Variants in LRRC72 observed in about 807,000 individuals in gnomAD.
LRRC72 encodes the protein leucine-rich repeat-containing protein 72.
A neutral mutation model predicts 35.8 loss-of-function variants in LRRC72; 41 were observed. That is an observed-to-expected ratio of 1.15 (90% confidence interval 0.89 to 1.49). The LOEUF is 1.49. Among genes scored for constraint, LRRC72 ranks in the 40% most tolerant of loss-of-function variants. LRRC72 has a pLI of 0.00. For synonymous variants in LRRC72, 118 were observed against 119.2 expected (o/e 0.99, Z 0.07); for missense variants, 389 against 330.7 (o/e 1.18, Z -1.37).
chr7:16,561,221 A>G (rs1225180906), intron 5 of LRRC72, among the ~76,000 whole-genome samples: 3 of 152,228 alleles, frequency 2.0e-5, no homozygotes, highest in African/African-American at 7.2e-5. Context: ...ACAAATTAGT[A>G]ACACTCAGCC....
chr7:16,547,632 A>C (rs62441149), intron 3 of LRRC72, among the ~76,000 whole-genome samples: 14,205 of 152,238 alleles, frequency 0.093, 787 homozygotes, highest in East Asian at 0.2. Context: ...CTCCAATAAC[A>C]GAGTAAAGTT....
chr7:16,534,061 G>A (rs1200775848), intron 2 of LRRC72, among the ~76,000 whole-genome samples: 1 of 152,110 alleles, frequency 6.6e-6, no homozygotes, highest in Non-Finnish European at 1.5e-5. Flanking sequence ...ACATTTTAAG[G>A]ACACTAAGTT....
chr7:16,544,768 G>A (rs1782415016), intron 3 of LRRC72, among the ~76,000 whole-genome samples: 1 of 152,166 alleles, frequency 6.6e-6, no homozygotes, highest in South Asian at 2.1e-4. Context: ...ATTTCTGGAA[G>A]TACGACAGTA....
At chr7:16,553,248 A>T (rs1782587641) in intron 3 of LRRC72, among the ~76,000 whole-genome samples, 1 of 152,234 alleles carries the variant, frequency 6.6e-6, no homozygotes, top group Non-Finnish European at 1.5e-5. Flanking sequence ...TGGTTTAGAC[A>T]GAAGTCTCCC....
At chr7:16,562,920 C>T (rs190774572) in intron 5 of LRRC72, among the ~76,000 whole-genome samples, 1 of 152,238 alleles carries the variant, frequency 6.6e-6, no homozygotes, top group East Asian at 1.9e-4. Flanking sequence ...GGGTGATTTC[C>T]ATATTCAGTA....
At chr7:16,566,971 C>G (rs979386764) in intron 6 of LRRC72, among the ~76,000 whole-genome samples, 2 of 152,136 alleles carry the variant, frequency 1.3e-5, no homozygotes, top group African/African-American at 2.4e-5. Context: ...GCTATATTAT[C>G]TATCTACTTA....
At chr7:16,536,406 C>T (rs2128334858) in intron 2 of LRRC72, among the ~76,000 whole-genome samples, 1 of 152,048 alleles carries the variant, frequency 6.6e-6, no homozygotes, top group East Asian at 1.9e-4. Context: ...GGTGGTTGCA[C>T]AGGACAATGC....
chr7:16,558,865 G>T, intron 4 of LRRC72, 24 bp from the exon 5 acceptor site: 3 of 1,311,200 alleles, frequency 2.3e-6, no homozygotes, highest in Non-Finnish European at 2.0e-6. Context: ...TTAAAATCTT[G>T]TAAAAATATT....
At chr7:16,530,089 G>T (rs904068490) in intron 1 of LRRC72, 4 of 151,964 alleles carry the variant, frequency 2.6e-5, no homozygotes, top group Admixed American at 2.6e-4. Flanking sequence ...TAGATGTCTA[G>T]ATATCTGTCT....
intron 5 of LRRC72, among the ~76,000 whole-genome samples, chr7:16,560,281 A>C (rs1006838109): frequency 1.3e-5 from 2 of 152,230 alleles, no homozygotes; most frequent in African/African-American, 4.8e-5. Context: ...ATTGATGGTG[A>C]AAGTTCTAAT....
At chr7:16,532,431 T>A (rs573185463) in intron 1 of LRRC72, 64 bp from the exon 2 acceptor site, 1 of 1,128,092 alleles carries the variant, frequency 8.9e-7, no homozygotes, top group South Asian at 1.3e-5. Flanking sequence ...TGTTACTGAC[T>A]GCAAGTGCCT....
chr7:16,528,991 T>A (rs924926112), intron 1 of LRRC72, among the ~76,000 whole-genome samples: 2 of 152,158 alleles, frequency 1.3e-5, no homozygotes, highest in Non-Finnish European at 2.9e-5. Flanking sequence ...TACAGTTACT[T>A]AGAATATATA....
chr7:16,542,257 C>T (rs1176166378), intron 3 of LRRC72, among the ~76,000 whole-genome samples: 2 of 152,122 alleles, frequency 1.3e-5, no homozygotes, highest in African/African-American at 4.8e-5. Flanking sequence ...AAAGGGATCG[C>T]ATGCACCATC....
chr7:16,532,710 TC>T, intron 2 of LRRC72, 142 bp downstream of exon 2: 1 of 730,164 alleles, frequency 1.4e-6, no homozygotes, highest in Non-Finnish European at 2.5e-6. Context: ...CTTCCTGGAA[TC>T]CACAGTTTTC....
At chr7:16,567,225 A>G (rs1474264961) in intron 6 of LRRC72, among the ~76,000 whole-genome samples, 166 bp from the exon 7 acceptor site, 1 of 152,156 alleles carries the variant, frequency 6.6e-6, no homozygotes, top group East Asian at 1.9e-4. Flanking sequence ...AGTGCTTGTA[A>G]GATTATGGAA....
intron 3 of LRRC72, among the ~76,000 whole-genome samples, chr7:16,555,340 T>A (rs962834041): frequency 8.5e-5 from 13 of 152,216 alleles, no homozygotes; most frequent in African/African-American, 2.9e-4. Flanking sequence ...AAACTTCGAA[T>A]ACAAATCTAA....
At chr7:16,566,902 C>G (rs568208941) in intron 6 of LRRC72, among the ~76,000 whole-genome samples, 8 of 152,262 alleles carry the variant, frequency 5.3e-5, no homozygotes, top group African/African-American at 1.7e-4. Context: ...CACACACACA[C>G]ACAATCAACC....
intron 3 of LRRC72, among the ~76,000 whole-genome samples, chr7:16,547,290 C>G (rs976267070): frequency 2.7e-4 from 41 of 152,254 alleles, no homozygotes; most frequent in Admixed American, 6.5e-4. Context: ...GGTGGAGGAG[C>G]AGTGTGGTTG....
rs543661566 is a variant in LRRC72, at chr7:16,546,993, C to T, written c.234+9297C>T. The stretch of plus-strand genomic sequence containing the variant: ...GTGGCAGCAGGAGCAGCTCTGGGAG[C>T]AGCAGTGGTGGCAGTGGGACCCCTG... On this transcript the variant is annotated intron_variant, in intron 3 of 8. Transcript: ENST00000401542. Among the ~76,000 whole-genome samples, 6 of 152,254 alleles carry T rather than the reference C, an allele frequency of 3.9e-5. No homozygotes were observed. The East Asian group carries it at 7.7e-4, about 20-fold the overall frequency.
Sources: allele counts gnomAD v4.1 joint callset (sites outside exome capture counted in the v4.1 genomes callset), GRCh38; gene constraint gnomAD v4.1.1; transcripts MANE v1.5; gene names NCBI Gene and HGNC (gene_info 2026-07-23, HGNC 2026-07-21).